The following HSPA1L variants were observed in gnomAD, a reference collection of about 807,000 sequenced individuals.
HSPA1L encodes heat shock protein family A (Hsp70) member 1 like, also known as heat shock 70 kDa protein 1-like.
HSPA1L carries 21 observed loss-of-function variants against 31.5 expected under a neutral mutation model. The ratio of observed to expected loss-of-function variants is 0.67; its 90% CI spans 0.47 to 0.96. The LOEUF (loss-of-function observed/expected upper bound fraction) is 0.96, where lower values mean the gene tolerates loss of function less well. Ranked by LOEUF, HSPA1L falls within the 40% of genes least tolerant of loss-of-function variation. The pLI is 0.00. For missense variants in HSPA1L, 709 were observed against 813.4 expected (o/e 0.87, Z 1.56); for synonymous variants, 293 against 323.1 (o/e 0.91, Z 1.00).
rs2151461525 is a variant in HSPA1L at position 31,811,232 on chromosome 6, G to A, written c.741C>T (p.Phe247=). ...TGATGTCCTTTTTGTGTTTCCTCTT[G>A]AACTCCTCCACGAAGTGGCTCACAA... is the stretch of plus-strand genomic sequence containing the variant. ...NRLVSHFVEE[F]KRKHKKDISQ... The change falls in exon 2 of 2, where the codon TTC becomes TTT. Residue 247 remains phenylalanine (F), a synonymous_variant. Transcript: ENST00000375654. 6.2e-7 allele frequency: 1 copy of A among 1,613,990 alleles called. No individual in the cohort carries two copies. The highest frequency in any genetic ancestry group is 8.5e-7 in the Non-Finnish European group (1 of 1,180,028).
At position 31,811,711 on chromosome 6, in the gene HSPA1L, C is replaced by G; in HGVS notation, c.262G>C (p.Asp88His). ...RKFNDPVVQADMKLWPFQVIN... is the reference protein window; with the variant it reads ...RKFNDPVVQAHMKLWPFQVIN... ...ACTTGAAAAGGCCAAAGTTTCATAT[C>G]TGCTTGTACAACAGGATCATTAAAT... The change falls in exon 2 of 2, where the codon GAT (aspartate) becomes CAT (histidine). Residue 88 changes from aspartate (D) to histidine (H), a missense_variant. Physicochemically the swap from Asp to His is moderately conservative, Grantham distance 81. Coordinates refer to ENST00000375654, the MANE Select transcript of HSPA1L (RefSeq NM_005527.4). 1.2e-6 allele frequency: 2 copies of G among 1,614,194 alleles called. No homozygotes were observed. Among genetic ancestry groups the G allele is most frequent in the Non-Finnish European group, 1.7e-6 (2 of 1,180,038 alleles).
rs534737634 is a variant in HSPA1L at position 31,814,115 on chromosome 6, A to G, written c.-14+774T>C. Among the ~76,000 whole-genome samples, 80 of 152,276 alleles carry G rather than the reference A, an allele frequency of 5.3e-4. 1 individual carries two copies. Among genetic ancestry groups the G allele is most frequent in the Admixed American group, 3.1e-3 (48 of 15,282 alleles). On this transcript the variant is annotated intron_variant, in intron 1 of 1. Coordinates refer to ENST00000375654, the MANE Select transcript of HSPA1L (RefSeq NM_005527.4). Reference sequence around the variant, plus strand: ...TTTCTGGAGCCAATAACTGATCAATAAAGGGTTTAAGGGCGGGGGGCGGTG... The same window carrying G: ...TTTCTGGAGCCAATAACTGATCAATGAAGGGTTTAAGGGCGGGGGGCGGTG...
Position 31,811,948 on chromosome 6 carries a change from T to C in HSPA1L, c.25A>G (p.Ile9Val), listed in dbSNP as rs151059204. The part of the protein sequence containing the change: MATAKGIA[I>V]GIDLGTTYSC... ...TAGGTGGTGCCCAGGTCGATGCCTA[T>C]GGCGATTCCCTTGGCAGTAGCCATG... The change falls in exon 2 of 2, where the codon ATA (isoleucine) becomes GTA (valine). Residue 9 changes from isoleucine (I) to valine (V), a missense_variant. By Grantham distance (29) the Ile-to-Val change is conservative. Coordinates refer to ENST00000375654, the MANE Select transcript of HSPA1L (RefSeq NM_005527.4). 2 of 1,614,180 alleles carry C rather than the reference T, an allele frequency of 1.2e-6. No homozygotes were observed. The highest frequency in any genetic ancestry group is 2.2e-5 in the East Asian group (1 of 44,888).
chr6:31,814,765 C>G, intron 1 of HSPA1L, 124 bp downstream of exon 1: 1 of 299,168 alleles, frequency 3.3e-6, no homozygotes, highest in Non-Finnish European at 4.9e-6. Flanking sequence ...GCTCCTCCTA[C>G]CCGGATCAGC....
In HSPA1L at chr6:31,815,247, T is replaced by C. The variant is rs1243161261; in HGVS notation, c.-372A>G. On this transcript the variant is annotated 5_prime_UTR_variant, in exon 1 of 2. Transcript: ENST00000375654. ...CCGACCCTTCCTGTCAATTAGGCGCTGAAGCGCAGGCGGTCAGCATCGCCA... is the reference window on the plus strand; with the variant it reads ...CCGACCCTTCCTGTCAATTAGGCGCCGAAGCGCAGGCGGTCAGCATCGCCA... Among the ~76,000 whole-genome samples, 2 of 152,026 alleles carry C rather than the reference T, an allele frequency of 1.3e-5. No homozygotes were observed. The highest frequency in any genetic ancestry group is 2.9e-5 in the Non-Finnish European group (2 of 68,014).
intron 1 of HSPA1L, among the ~76,000 whole-genome samples, chr6:31,814,262 A>T (rs945880467): frequency 1.3e-5 from 2 of 152,198 alleles, no homozygotes; most frequent in African/African-American, 4.8e-5. Flanking sequence ...CTACTAAAAA[A>T]TAGAAAAAAT....
intron 1 of HSPA1L, among the ~76,000 whole-genome samples, chr6:31,813,301 C>T (rs1177415452): frequency 2.0e-5 from 3 of 151,934 alleles, no homozygotes. Context: ...ATTTATATAC[C>T]ACTGTTTTTG....
Position 31,810,559 on chromosome 6 carries a change from C to T in HSPA1L, c.1414G>A (p.Gly472Arg). 6.2e-7 allele frequency: 1 copy of T among 1,613,630 alleles called. No homozygotes were observed. The highest frequency in any genetic ancestry group is 8.5e-7 in the Non-Finnish European group (1 of 1,179,764). The change falls in exon 2 of 2, where the codon GGA becomes AGA. Residue 472 changes from glycine to arginine, a missense_variant. By Grantham distance (125) the Gly-to-Arg change is moderately radical. Transcript: ENST00000375654. ...AACGTCACCTCGATCTGAGGAACTC[C>T]CCTGGGTGCTGGAGGGATTCCAGTC... is the stretch of plus-strand genomic sequence containing the variant. Reference protein sequence around the residue: ...DLTGIPPAPRGVPQIEVTFDI... With the variant: ...DLTGIPPAPRRVPQIEVTFDI...
At chr6:31,812,221 C>T (rs1815477201) in intron 1 of HSPA1L, among the ~76,000 whole-genome samples, 1 of 151,160 alleles carries the variant, frequency 6.6e-6, no homozygotes, top group Non-Finnish European at 1.5e-5. Context: ...CTTTGGACTG[C>T]AGTGGTGTGA....
Position 31,811,175 on chromosome 6 carries a change from G to A in HSPA1L, c.798C>T (p.Arg266=). The A allele has an allele frequency of 1.9e-6, 3 of 1,614,200 alleles. No homozygotes were observed. The highest frequency in any genetic ancestry group is 2.5e-6 in the Non-Finnish European group (3 of 1,180,042). Residue 266 remains arginine (R), a synonymous_variant, in exon 2 of 2, where the codon CGC becomes CGT. Transcript: ENST00000375654. ...SQNKRAVRRL[R]TACERAKRTL... Reference sequence around the variant, plus strand: ...TCCTCTTGGCCCTCTCGCAGGCGGTGCGCAGCCGCCTCACGGCTCGCTTGT... The same window carrying A: ...TCCTCTTGGCCCTCTCGCAGGCGGTACGCAGCCGCCTCACGGCTCGCTTGT...
At chr6:31,813,533 AACCTT>A (rs1815586479) in intron 1 of HSPA1L, among the ~76,000 whole-genome samples, 1 of 152,088 alleles carries the variant, frequency 6.6e-6, no homozygotes, top group Non-Finnish European at 1.5e-5. Context: ...TCAAACTCCT[AACCTT>A]AAGTGATCCG....
chr6:31,809,758 T>C lies in HSPA1L; in HGVS notation c.*289A>G. 1 of 363,626 alleles carries C rather than the reference T, an allele frequency of 2.8e-6. No homozygotes were observed. The highest frequency in any genetic ancestry group is 4.9e-6 in the Non-Finnish European group (1 of 204,602). 22.5% of individuals were successfully genotyped at this position (363,626 alleles called of 1,614,324 possible). Reference sequence around the variant, plus strand: ...TTTTCTTTACGAACAAATTTACTGATTGACAAATAAGCATCCACACAGGAA... The same window carrying C: ...TTTTCTTTACGAACAAATTTACTGACTGACAAATAAGCATCCACACAGGAA... On this transcript the variant is annotated 3_prime_UTR_variant, in exon 2 of 2. Transcript: ENST00000375654.
At chr6:31,812,323 C>T (rs1262284691) in intron 1 of HSPA1L, among the ~76,000 whole-genome samples, 1 of 152,024 alleles carries the variant, frequency 6.6e-6, no homozygotes, top group Non-Finnish European at 1.5e-5. Context: ...CACCACCACG[C>T]CCAGCTAATT....
At chr6:31,814,178 G>T (rs1034231105) in intron 1 of HSPA1L, among the ~76,000 whole-genome samples, 3 of 152,224 alleles carry the variant, frequency 2.0e-5, no homozygotes, top group Non-Finnish European at 4.4e-5. Flanking sequence ...AGAGGCCGAG[G>T]CGGGCGGATC....
At position 31,811,496 on chromosome 6, in the gene HSPA1L, A is replaced by C; in HGVS notation, c.477T>G (p.Ala159=). The C allele has an allele frequency of 3.1e-6, 5 of 1,614,204 alleles. No homozygotes were observed. Among genetic ancestry groups the C allele is most frequent in the Non-Finnish European group, 4.2e-6 (5 of 1,180,032 alleles). Reference sequence around the variant, plus strand: ...CAGCAATCACACCTGCATCCTTAGTAGCCTGACGTTGAGAGTCATTGAAAT... The same window carrying C: ...CAGCAATCACACCTGCATCCTTAGTCGCCTGACGTTGAGAGTCATTGAAAT... ...PAYFNDSQRQ[A]TKDAGVIAGL... The change falls in exon 2 of 2, where the codon GCT becomes GCG. Residue 159 remains alanine, a synonymous_variant. Coordinates refer to ENST00000375654, the MANE Select transcript of HSPA1L (RefSeq NM_005527.4).
rs778008112 is a variant in HSPA1L at position 31,810,544 on chromosome 6, C to G, written c.1429G>C (p.Glu477Gln). ...PPAPRGVPQI[E>Q]VTFDIDANGI... The stretch of plus-strand genomic sequence containing the variant: ...TTGGCATCAATGTCAAACGTCACCT[C>G]GATCTGAGGAACTCCCCTGGGTGCT... The change falls in exon 2 of 2, where the codon GAG becomes CAG. Residue 477 changes from glutamate (E) to glutamine (Q), a missense_variant. By Grantham distance (29) the Glu-to-Gln change is conservative. Coordinates refer to ENST00000375654, the MANE Select transcript of HSPA1L (RefSeq NM_005527.4). 3.1e-6 allele frequency: 5 copies of G among 1,613,126 alleles called. No individual in the cohort carries two copies. The South Asian group carries it at 4.4e-5, about 14-fold the overall frequency.
At position 31,810,271 on chromosome 6, in the gene HSPA1L, C is replaced by T; in HGVS notation, c.1702G>A (p.Asp568Asn). The change falls in exon 2 of 2, where the codon GAT becomes AAT. Residue 568 changes from aspartate to asparagine, a missense_variant. By Grantham distance (23) the Asp-to-Asn change is conservative. Transcript: ENST00000375654. ...EGLKGKISES[D>N]KNKILDKCNE... ...CATTTATCCAATATTTTATTTTTATCAGACTCACTAATCTTGCCCTTCAAA... is the reference window on the plus strand; with the variant it reads ...CATTTATCCAATATTTTATTTTTATTAGACTCACTAATCTTGCCCTTCAAA... 1.3e-6 allele frequency: 2 copies of T among 1,530,576 alleles called. No individual in the cohort carries two copies. The highest frequency in any genetic ancestry group is 1.8e-6 in the Non-Finnish European group (2 of 1,141,566). The allele number at this position is 1,530,576 out of a possible 1,614,324, so 94.8% of individuals were successfully genotyped here.
intron 1 of HSPA1L, among the ~76,000 whole-genome samples, chr6:31,812,828 T>C (rs1423548104): frequency 6.6e-6 from 1 of 152,054 alleles, no homozygotes; most frequent in Non-Finnish European, 1.5e-5. Flanking sequence ...CATTTTTTTT[T>C]CTCATTTTTT....
rs1027608687 is a variant in HSPA1L at position 31,810,641 on chromosome 6, C to A, written c.1332G>T (p.Val444=). The change falls in exon 2 of 2, where the codon GTG becomes GTT. Residue 444 remains valine (V), a synonymous_variant. Transcript: ENST00000375654. ...SDNQPGVLIQ[V]YEGERAMTKD... The stretch of plus-strand genomic sequence containing the variant: ...TTGTCATGGCCCTCTCGCCCTCATA[C>A]ACCTGGATCAGCACCCCGGGTTGGT... 1 of 1,613,942 alleles carries A rather than the reference C, an allele frequency of 6.2e-7. No individual in the cohort carries two copies. Among genetic ancestry groups the A allele is most frequent in the Non-Finnish European group, 8.5e-7 (1 of 1,179,986 alleles).
Sources: gnomAD v4.1 joint callset for allele counts (sites outside exome capture counted in the v4.1 genomes callset) on GRCh38, gnomAD v4.1.1 for gene constraint, MANE v1.5 for transcripts, NCBI Gene and HGNC (gene_info 2026-07-23, HGNC 2026-07-21) for gene names.